Variants in OR6B3 observed in about 807,000 individuals in gnomAD.
OR6B3 encodes olfactory receptor 6B3.
For missense variants in OR6B3, 315 were observed against 427.4 expected (o/e 0.74, Z 2.32); for synonymous variants, 148 against 187.8 (o/e 0.79, Z 1.73).
chr2:240,050,934 G>A (rs1036996234), upstream of OR6B3, among the ~76,000 whole-genome samples: 1 of 152,062 alleles, frequency 6.6e-6, no homozygotes, highest in Non-Finnish European at 1.5e-5. Flanking sequence ...TTTAGAAAAT[G>A]TGGAGAAATC....
exon 2 of OR6B3, chr2:240,045,365 T>C: frequency 6.2e-7 from 1 of 1,614,064 alleles, no homozygotes; most frequent in Non-Finnish European, 8.5e-7. Context: ...TGAAGAAGGC[T>C]CTCCAGCAGC....
At chr2:240,048,414 T>A (rs1698219616), upstream of OR6B3, among the ~76,000 whole-genome samples, 1 of 152,048 alleles carries the variant, frequency 6.6e-6, no homozygotes, top group Non-Finnish European at 1.5e-5. Context: ...CCGCACTGTC[T>A]CTCCTGGTTG....
At position 240,045,079 on chromosome 2, in the gene OR6B3, A is replaced by G. The variant is rs1240448134; in HGVS notation, c.994T>C (p.Ter332ArgextTer?). 1.9e-6 allele frequency: 3 copies of G among 1,576,944 alleles called. No homozygotes were observed. The East Asian group carries it at 6.7e-5, about 35-fold the overall frequency. The stretch of plus-strand genomic sequence containing the variant: ...ATGCAAACAGTCAAATGGCCTCCTC[A>G]GAGAGGCTGGCTGTGTATTTGGAGA... The change falls in exon 2 of 2, where the codon TGA becomes CGA. Residue 332 changes from the stop codon to arginine, a stop_lost. Coordinates refer to ENST00000641019, the Ensembl canonical transcript of OR6B3.
upstream of OR6B3, among the ~76,000 whole-genome samples, chr2:240,048,496 T>C (rs1429027180): frequency 6.6e-6 from 1 of 152,102 alleles, no homozygotes; most frequent in Admixed American, 6.5e-5. Context: ...GTGGAAGCTC[T>C]CTATTTGGGA....
downstream of OR6B3, among the ~76,000 whole-genome samples, chr2:240,044,610 TG>T (rs1466623965): frequency 1.3e-5 from 2 of 152,240 alleles, no homozygotes; most frequent in African/African-American, 4.8e-5. Context: ...AGCAGCTGAC[TG>T]GGCATGCAGT....
chr2:240,050,947 C>T (rs903806005), upstream of OR6B3, among the ~76,000 whole-genome samples: 18 of 152,038 alleles, frequency 1.2e-4, 1 homozygote, highest in African/African-American at 3.1e-4. Flanking sequence ...GAGAAATCAT[C>T]GGCAATGGCA....
chr2:240,053,208 G>A, the OR6B3 span, among the ~76,000 whole-genome samples: 2 of 152,108 alleles, frequency 1.3e-5, no homozygotes, highest in South Asian at 4.2e-4. The surrounding 1 kb of genome is among the most constrained non-coding windows in gnomAD (Gnocchi z 4.1). Context: ...GGGTATATTG[G>A]GATGTCATTT....
At chr2:240,045,837 G>C in exon 2 of OR6B3, 3 of 1,611,590 alleles carry the variant, frequency 1.9e-6, no homozygotes, top group Non-Finnish European at 2.5e-6. Context: ...CAGCATCTTG[G>C]GGGTGATGTC....
At position 240,045,748 on chromosome 2, in the gene OR6B3, A is replaced by G. The variant is rs748602780; in HGVS notation, c.325T>C (p.Cys109Arg). 11 of 1,395,694 alleles carry G rather than the reference A, an allele frequency of 7.9e-6. No homozygotes were observed. The highest frequency in any genetic ancestry group is 1.1e-5 in the Non-Finnish European group (11 of 982,590). The allele number at this position is 1,395,694 out of a possible 1,614,324, so 86.5% of individuals were successfully genotyped here. The change falls in exon 2 of 2, where the codon TGC becomes CGC. Residue 109 changes from cysteine to arginine, a missense_variant. Transcript: ENST00000641019. The stretch of plus-strand genomic sequence containing the variant: ...GAGGCCAGAAGCACACACTCGGTGC[A>G]CACCAGGGAGCTGAAGAAGTAGAGC...
chr2:240,046,465 C>T (rs1698190880), intron 1 of OR6B3, among the ~76,000 whole-genome samples: 1 of 152,172 alleles, frequency 6.6e-6, no homozygotes, highest in African/African-American at 2.4e-5. Context: ...GCCCTGACTG[C>T]CCCAGGCTTC....
chr2:240,046,058 A>T (rs773261810), exon 2 of OR6B3: 4 of 1,613,140 alleles, frequency 2.5e-6, no homozygotes, highest in Non-Finnish European at 3.4e-6. Context: ...CCCTGGTGAC[A>T]TTCTCCCCAC....
upstream of OR6B3, among the ~76,000 whole-genome samples, chr2:240,049,687 T>C (rs1698232058): frequency 6.6e-6 from 1 of 152,128 alleles, no homozygotes; most frequent in Non-Finnish European, 1.5e-5. Context: ...TTAATCGAAA[T>C]AATATATAAT....
chr2:240,045,829 G>T (rs1319880901), exon 2 of OR6B3: 4 of 1,609,858 alleles, frequency 2.5e-6, no homozygotes, highest in Non-Finnish European at 3.4e-6. Context: ...AAGCCCTCCA[G>T]CATCTTGGGG....
At chr2:240,044,723 A>G (rs899515980), downstream of OR6B3, among the ~76,000 whole-genome samples, 3 of 152,260 alleles carry the variant, frequency 2.0e-5, no homozygotes, top group East Asian at 5.8e-4. Flanking sequence ...TACTTTTCCC[A>G]GACACATTTT....
upstream of OR6B3, among the ~76,000 whole-genome samples, chr2:240,047,754 TACTGAA>T (rs1461764732): frequency 1.3e-5 from 2 of 152,228 alleles, no homozygotes; most frequent in African/African-American, 4.8e-5. Context: ...TCCAAATCTA[TACTGAA>T]AAACACACAT....
chr2:240,045,000 GA>G (rs1698159476), downstream of OR6B3: 1 of 1,400,644 alleles, frequency 7.1e-7, no homozygotes, highest in African/African-American at 1.4e-5. Context: ...TTTTTTTCCT[GA>G]AGGAGAAAAA....
chr2:240,052,757 G>A, the OR6B3 span, among the ~76,000 whole-genome samples: 6,768 of 152,260 alleles, frequency 0.044, 186 homozygotes, highest in African/African-American at 0.052. This position sits in a 1 kb window ranked among gnomAD's most constrained non-coding sequence, Gnocchi z 4.5. Flanking sequence ...TAGCCTGCTC[G>A]TTGATTTCCT....
chr2:240,046,856 C>T (rs1452180371), intron 1 of OR6B3, 96 bp downstream of exon 2: 2 of 152,190 alleles, frequency 1.3e-5, no homozygotes, highest in African/African-American at 4.8e-5. Context: ...AAAACACATC[C>T]ATTAATCCTC....
chr2:240,047,899 C>A (rs1047204798), upstream of OR6B3, among the ~76,000 whole-genome samples: 4 of 151,860 alleles, frequency 2.6e-5, no homozygotes, highest in African/African-American at 9.7e-5. Flanking sequence ...GGATCAGAAA[C>A]GACAGAATAA....
Sources: gnomAD v4.1 joint callset for allele counts (sites outside exome capture counted in the v4.1 genomes callset) on GRCh38, gnomAD v4.1.1 for gene constraint, Gnocchi (gnomAD v3.1) non-coding constraint, MANE v1.5 for transcripts, NCBI Gene and HGNC (gene_info 2026-07-23, HGNC 2026-07-21) for gene names.